FAM193A: variants seen among roughly 807,000 people sequenced by gnomAD.
FAM193A encodes family with sequence similarity 193 member A.
FAM193A carries 22 observed loss-of-function variants against 126.5 expected under a neutral mutation model. The ratio of observed to expected loss-of-function variants is 0.17; its 90% confidence interval spans 0.12 to 0.25. FAM193A has a LOEUF of 0.25. Among genes scored for constraint, FAM193A ranks in the 10% least tolerant of loss-of-function variants. The pLI is 1.00. For missense variants in FAM193A, 1,675 were observed against 1,672.8 expected (o/e 1.00, Z -0.02); for synonymous variants, 761 against 646.8 (o/e 1.18, Z -2.68).
chr4:2,613,332 C>G (rs886764837), intron 2 of FAM193A, among the ~76,000 whole-genome samples: 10 of 147,562 alleles, frequency 6.8e-5, no homozygotes, highest in Non-Finnish European at 1.3e-4. Flanking sequence ...TAAATATACT[C>G]TAAAAAGTTT....
intron 6 of FAM193A, 145 bp from the exon 7 acceptor site, chr4:2,646,540 C>G (rs867687159): frequency 3.8e-6 from 3 of 790,262 alleles, no homozygotes; most frequent in Middle Eastern, 2.5e-4. Flanking sequence ...TCACAGCTCC[C>G]TGCTGTGGTG....
chr4:2,726,890 T>C (rs1720811471), intron 20 of FAM193A, among the ~76,000 whole-genome samples: 4 of 137,530 alleles, frequency 2.9e-5, no homozygotes, highest in Admixed American at 7.9e-5. Flanking sequence ...GAGGAGGTTG[T>C]AGTGAGCCCA....
At chr4:2,631,854 C>A (rs16843176) in intron 5 of FAM193A, among the ~76,000 whole-genome samples, 10,252 of 152,254 alleles carry the variant, frequency 0.067, 594 homozygotes, top group African/African-American at 0.15. Context: ...TCAACAGCCT[C>A]AGTGCCCCCA....
chr4:2,678,798 A>G (rs946273268), intron 13 of FAM193A, among the ~76,000 whole-genome samples: 2 of 152,174 alleles, frequency 1.3e-5, no homozygotes, highest in Non-Finnish European at 2.9e-5. Flanking sequence ...TGCTGAATTC[A>G]TCTATTCTAA....
chr4:2,671,684 C>T (rs1466977471), intron 12 of FAM193A, among the ~76,000 whole-genome samples: 2 of 152,200 alleles, frequency 1.3e-5, no homozygotes, highest in Admixed American at 6.5e-5. Context: ...AGCCACTGAC[C>T]TCTTCACTCC....
At chr4:2,677,559 G>C (rs1352931285) in intron 13 of FAM193A, among the ~76,000 whole-genome samples, 1 of 151,962 alleles carries the variant, frequency 6.6e-6, no homozygotes, top group African/African-American at 2.4e-5. Context: ...GGCTAATACA[G>C]TGAAACCCTG....
At chr4:2,725,568 A>G (rs1374259549) in intron 20 of FAM193A, among the ~76,000 whole-genome samples, 2 of 147,936 alleles carry the variant, frequency 1.4e-5, no homozygotes, top group Non-Finnish European at 2.9e-5. Flanking sequence ...GCTGTATTGT[A>G]TAGACTCTAG....
At chr4:2,728,535 C>G (rs1271581037) in intron 20 of FAM193A, among the ~76,000 whole-genome samples, 1 of 152,112 alleles carries the variant, frequency 6.6e-6, no homozygotes, top group Non-Finnish European at 1.5e-5. Flanking sequence ...GGCTTGCACC[C>G]TATTCGCAGC....
intron 13 of FAM193A, among the ~76,000 whole-genome samples, chr4:2,679,957 T>G (rs974481167): frequency 2.6e-5 from 4 of 151,364 alleles, no homozygotes; most frequent in East Asian, 1.9e-4. Context: ...CCTCTCAGAT[T>G]CTAAGCGATT....
chr4:2,720,413 A>T (rs1201985793), intron 20 of FAM193A, among the ~76,000 whole-genome samples: 1 of 152,162 alleles, frequency 6.6e-6, no homozygotes, highest in Admixed American at 6.6e-5. Context: ...ACATTTTGTG[A>T]GGCTGAGGTG....
At chr4:2,655,339 C>T (rs545503164) in intron 7 of FAM193A, among the ~76,000 whole-genome samples, 5 of 152,204 alleles carry the variant, frequency 3.3e-5, no homozygotes, top group Middle Eastern at 3.4e-3. Flanking sequence ...GACATTCTTG[C>T]GTTCCTGGGA....
Position 2,646,573 on chromosome 4 carries a change from C to T in FAM193A, c.1164-112C>T, listed in dbSNP as rs574567228. 6.1e-5 allele frequency: 71 copies of T among 1,162,072 alleles called. No homozygotes were observed. The African/African-American group carries it at 7.7e-4, about 13-fold the overall frequency. The allele number at this position is 1,162,072 out of a possible 1,614,324, so 72.0% of individuals were successfully genotyped here. On this transcript the variant is annotated intron_variant, in intron 6 of 20. Transcript: ENST00000637812. ...GTGCAGAGTGGCACCCTGTTTTCCACGTTGGGAGGCGAGATGACAAAGCAG... is the reference window on the plus strand; with the variant it reads ...GTGCAGAGTGGCACCCTGTTTTCCATGTTGGGAGGCGAGATGACAAAGCAG...
At chr4:2,698,133 G>A (rs1289146540) in intron 18 of FAM193A, among the ~76,000 whole-genome samples, 1 of 152,232 alleles carries the variant, frequency 6.6e-6, no homozygotes, top group Non-Finnish European at 1.5e-5. Flanking sequence ...TCACTGGCTG[G>A]CTGGTTGTTG....
chr4:2,647,930 G>A (rs1745311809), intron 7 of FAM193A, among the ~76,000 whole-genome samples: 1 of 152,142 alleles, frequency 6.6e-6, no homozygotes, highest in Non-Finnish European at 1.5e-5. Flanking sequence ...GTGGCTCCTT[G>A]TCAGTGTTCC....
intron 1 of FAM193A, among the ~76,000 whole-genome samples, chr4:2,586,765 C>A (rs1233997523): frequency 6.6e-6 from 1 of 152,130 alleles, no homozygotes; most frequent in African/African-American, 2.4e-5. Flanking sequence ...GCAATCTTCC[C>A]ACCTCAGCCT....
intron 19 of FAM193A, among the ~76,000 whole-genome samples, chr4:2,709,052 T>A (rs921116915): frequency 6.6e-5 from 10 of 152,228 alleles, no homozygotes; most frequent in African/African-American, 1.7e-4. Context: ...ATTAAAAAAA[T>A]TTAATGTTAA....
intron 7 of FAM193A, among the ~76,000 whole-genome samples, chr4:2,653,606 G>A (rs1745885908): frequency 6.6e-6 from 1 of 152,090 alleles, no homozygotes; most frequent in Admixed American, 6.6e-5. Context: ...ACCACGCCCG[G>A]CTAATTTTTG....
intron 1 of FAM193A, among the ~76,000 whole-genome samples, chr4:2,539,021 G>T (rs569135434): frequency 2.0e-5 from 3 of 152,082 alleles, no homozygotes; most frequent in Admixed American, 2.0e-4. Flanking sequence ...CTCTCAAGTA[G>T]CTGGGACTAC....
chr4:2,716,821 C>T (rs960417084), intron 20 of FAM193A, among the ~76,000 whole-genome samples: 6 of 150,716 alleles, frequency 4.0e-5, no homozygotes, highest in African/African-American at 1.2e-4. Context: ...GGATTACAGG[C>T]GCCCACAACC....
Sources: gnomAD v4.1 joint callset for allele counts (sites outside exome capture counted in the v4.1 genomes callset) on GRCh38, gnomAD v4.1.1 for gene constraint, MANE v1.5 for transcripts, NCBI Gene and HGNC (gene_info 2026-07-23, HGNC 2026-07-21) for gene names.